The following NBEA variants were observed in gnomAD, a reference collection of about 807,000 sequenced individuals.
NBEA encodes the protein neurobeachin.
A neutral mutation model predicts 343.4 loss-of-function variants in NBEA; 44 were observed. The observed-to-expected ratio is 0.13, with a 90% CI of 0.10 to 0.16. The LOEUF is 0.16. Among genes scored for constraint, NBEA ranks in the 10% least tolerant of loss-of-function variants. The pLI is 1.00. For synonymous variants in NBEA, 1,175 were observed against 1,238.7 expected (o/e 0.95, Z 1.08); for missense variants, 2,555 against 3,631.3 (o/e 0.70, Z 7.62).
intron 8 of NBEA, among the ~76,000 whole-genome samples, chr13:35,063,927 GA>G (rs1229191307): frequency 1.3e-5 from 2 of 152,008 alleles, no homozygotes; most frequent in African/African-American, 2.4e-5. Context: ...GCAAGTAAGT[GA>G]CCCCATGAAT....
intron 49 of NBEA, among the ~76,000 whole-genome samples, chr13:35,636,599 T>C (rs1399409520): frequency 6.6e-6 from 1 of 152,198 alleles, no homozygotes; most frequent in African/African-American, 2.4e-5. Flanking sequence ...TTCCTGCTCC[T>C]ACACCACCAC....
chr13:35,017,516 T>C (rs543316461), intron 1 of NBEA, among the ~76,000 whole-genome samples: 1 of 152,294 alleles, frequency 6.6e-6, no homozygotes, highest in South Asian at 2.1e-4. Context: ...GGTAGATGGA[T>C]AGTGGTAGCT....
chr13:35,469,365 T>G, intron 40 of NBEA, among the ~76,000 whole-genome samples: 1 of 152,190 alleles, frequency 6.6e-6, no homozygotes, highest in South Asian at 2.1e-4. Context: ...TTTTAAAGAT[T>G]CATTATGCTT....
At chr13:35,010,180 G>A (rs961910162) in intron 1 of NBEA, among the ~76,000 whole-genome samples, 3 of 152,112 alleles carry the variant, frequency 2.0e-5, no homozygotes, top group Non-Finnish European at 4.4e-5. Flanking sequence ...TACTAAAAAA[G>A]CTTTGAGATT....
intron 38 of NBEA, among the ~76,000 whole-genome samples, chr13:35,354,807 T>C (rs1429306128): frequency 1.3e-5 from 2 of 152,172 alleles, no homozygotes; most frequent in Non-Finnish European, 2.9e-5. Flanking sequence ...ACTACTAATA[T>C]GTTGATAACT....
At chr13:35,128,874 A>AT (rs1566331844) in intron 17 of NBEA, among the ~76,000 whole-genome samples, 1 of 152,066 alleles carries the variant, frequency 6.6e-6, no homozygotes, top group Non-Finnish European at 1.5e-5. Flanking sequence ...TTAGCTGATG[A>AT]TTTTTTAACC....
Position 35,011,649 on chromosome 13 carries a change from G to A in NBEA, c.295-29284G>A, listed in dbSNP as rs371703236. On this transcript the variant is annotated intron_variant, in intron 1 of 58. Coordinates refer to ENST00000379939, the MANE Select transcript of NBEA (RefSeq NM_001385012.1). The stretch of plus-strand genomic sequence containing the variant: ...ATAGATTATGGAAAACAGAAGCAAT[G>A]CCCATAGTTGGTAGTTCACATTTGA... Among the ~76,000 whole-genome samples the A allele has an allele frequency of 4.3e-4, 66 of 152,226 alleles. 1 individual carries two copies. The East Asian group carries it at 5.6e-3, about 13-fold the overall frequency.
intron 41 of NBEA, chr13:35,474,756 G>T (rs2075788382): frequency 6.9e-6 from 2 of 291,010 alleles, no homozygotes; most frequent in East Asian, 6.5e-5. Context: ...TGTTCGTCTC[G>T]GTCTGGCGTT....
chr13:35,408,411 G>A (rs1436049982), intron 38 of NBEA, among the ~76,000 whole-genome samples: 2 of 152,136 alleles, frequency 1.3e-5, no homozygotes, highest in East Asian at 3.8e-4. Context: ...AAAAACCTTG[G>A]AAGATAGCCT....
At chr13:35,169,804 C>T (rs1486508783) in intron 25 of NBEA, among the ~76,000 whole-genome samples, 1 of 151,586 alleles carries the variant, frequency 6.6e-6, no homozygotes, top group Non-Finnish European at 1.5e-5. Context: ...ATGTCATGGT[C>T]ATAGATTTTT....
intron 41 of NBEA, among the ~76,000 whole-genome samples, chr13:35,517,933 T>A (rs1428522367): frequency 6.6e-6 from 1 of 152,220 alleles, no homozygotes; most frequent in African/African-American, 2.4e-5. Context: ...ATCAAGTATT[T>A]TTAAAATATT....
chr13:35,623,950 G>GA (rs1228422789), intron 48 of NBEA, among the ~76,000 whole-genome samples: 1 of 151,872 alleles, frequency 6.6e-6, no homozygotes, highest in Non-Finnish European at 1.5e-5. Flanking sequence ...TGAAGGGGAG[G>GA]AAAAAGAAAT....
chr13:35,576,243 A>G (rs2080735608), intron 45 of NBEA, among the ~76,000 whole-genome samples: 1 of 150,786 alleles, frequency 6.6e-6, no homozygotes, highest in South Asian at 2.1e-4. Flanking sequence ...CAGCCTCCCA[A>G]GTAGCTGAGA....
At chr13:35,505,135 G>A (rs1306519666) in intron 41 of NBEA, among the ~76,000 whole-genome samples, 2 of 152,038 alleles carry the variant, frequency 1.3e-5, no homozygotes, top group Non-Finnish European at 2.9e-5. Flanking sequence ...CATACATACT[G>A]AGATATGCAT....
intron 30 of NBEA, among the ~76,000 whole-genome samples, chr13:35,193,516 C>T (rs1334316378): frequency 1.3e-5 from 2 of 151,814 alleles, no homozygotes; most frequent in South Asian, 2.1e-4. Context: ...TTCAGAAATA[C>T]CCTTAGTCTT....
chr13:35,049,719 C>A (rs1183756401), intron 5 of NBEA, among the ~76,000 whole-genome samples: 3 of 151,710 alleles, frequency 2.0e-5, no homozygotes, highest in African/African-American at 4.8e-5. Context: ...AAATTTACAG[C>A]TAAGGGAAAT....
intron 41 of NBEA, among the ~76,000 whole-genome samples, chr13:35,541,167 C>G (rs1177187262): frequency 6.6e-6 from 1 of 151,306 alleles, no homozygotes; most frequent in Non-Finnish European, 1.5e-5. Context: ...TATGCACACA[C>G]AGTCTGTGTC....
chr13:35,414,021 G>A (rs2043747576), intron 38 of NBEA, among the ~76,000 whole-genome samples: 2 of 152,014 alleles, frequency 1.3e-5, no homozygotes, highest in African/African-American at 4.8e-5. Flanking sequence ...TAGCATAAGT[G>A]GCTCCTGTCT....
chr13:35,187,700 GT>G (rs2071820123), intron 30 of NBEA, among the ~76,000 whole-genome samples: 1 of 151,738 alleles, frequency 6.6e-6, no homozygotes, highest in Non-Finnish European at 1.5e-5. Flanking sequence ...CTATTTCATG[GT>G]TTTAAAAGAT....
Sources: allele counts gnomAD v4.1 joint callset (sites outside exome capture counted in the v4.1 genomes callset), GRCh38; gene constraint gnomAD v4.1.1; transcripts MANE v1.5; gene names NCBI Gene and HGNC (gene_info 2026-07-23, HGNC 2026-07-21).